The following SPATA24 variants were observed in gnomAD, a reference collection of about 807,000 sequenced individuals.
The protein encoded by SPATA24 is spermatogenesis-associated protein 24.
Under a neutral mutation model 28.9 loss-of-function variants are expected in SPATA24, and 21 were observed. The ratio of observed to expected loss-of-function variants is 0.73; its 90% confidence interval spans 0.52 to 1.05. SPATA24 has a LOEUF of 1.05. SPATA24 is among the 50% of genes least tolerant of loss of function. The pLI is 0.00. For synonymous variants in SPATA24, 76 were observed against 89.9 expected (o/e 0.85, Z 0.88); for missense variants, 215 against 242.9 (o/e 0.88, Z 0.76).
intron 4 of SPATA24, among the ~76,000 whole-genome samples, chr5:139,398,503 T>C (rs1239120221): frequency 1.3e-5 from 2 of 151,632 alleles, no homozygotes; most frequent in Non-Finnish European, 2.9e-5. Context: ...AGCTCAGGAG[T>C]TGGGGGCTGC....
At chr5:139,393,764 G>A (rs1758641000), downstream of SPATA24, 1 of 1,551,268 alleles carries the variant, frequency 6.4e-7, no homozygotes, top group Non-Finnish European at 8.7e-7. Flanking sequence ...GCAGGATTTT[G>A]ATTTTCCCAC....
At chr5:139,399,316 CAAA>C (rs1435847293) in intron 4 of SPATA24, among the ~76,000 whole-genome samples, 3 of 59,078 alleles carry the variant, frequency 5.1e-5, no homozygotes, top group Admixed American at 1.9e-4. Flanking sequence ...GACTCCATCT[CAAA>C]AAAAAAAAAA....
downstream of SPATA24, chr5:139,394,163 C>A (rs759130864): frequency 3.9e-6 from 6 of 1,545,762 alleles, no homozygotes; most frequent in African/African-American, 1.4e-5. Context: ...TTGGCGGGGG[C>A]CGAATTATCT....
intron 4 of SPATA24, among the ~76,000 whole-genome samples, chr5:139,399,222 C>T (rs1758773213): frequency 6.7e-6 from 1 of 150,262 alleles, no homozygotes; most frequent in Admixed American, 6.7e-5. Context: ...GAGGCTGAGG[C>T]AGGAAGATGA....
At chr5:139,394,135 G>C (rs913060474), downstream of SPATA24, 8 of 1,547,130 alleles carry the variant, frequency 5.2e-6, no homozygotes, top group African/African-American at 1.1e-4. Context: ...GCGGAGGCTG[G>C]GCCACGGCCT....
downstream of SPATA24, chr5:139,395,273 C>T: frequency 2.2e-6 from 1 of 461,588 alleles, no homozygotes; most frequent in Non-Finnish European, 3.6e-6. Context: ...GCCCCCATGC[C>T]CAACTAACCC....
At chr5:139,394,994 A>AACCGGAGGAGTCCTGGCGC, downstream of SPATA24, 1 of 1,497,278 alleles carries the variant, frequency 6.7e-7, no homozygotes, top group Non-Finnish European at 8.9e-7. Flanking sequence ...GAGCCTGACG[A>AACCGGAGGAGTCCTGGCGC]ACCGGAGGAG....
downstream of SPATA24, chr5:139,392,544 C>A (rs1305635972): frequency 1.5e-6 from 2 of 1,347,336 alleles, no homozygotes; most frequent in African/African-American, 1.5e-5. This position sits in a 1 kb window ranked among gnomAD's most constrained non-coding sequence, Gnocchi z 5.8. Flanking sequence ...GGGCTGGGGC[C>A]GTCCTGCCCG....
downstream of SPATA24, chr5:139,396,653 T>C: frequency 6.6e-7 from 1 of 1,508,484 alleles, no homozygotes; most frequent in Non-Finnish European, 8.9e-7. Context: ...ACCCAGCTCC[T>C]CCCCTAGGCT....
chr5:139,397,039 A>C lies in SPATA24; in HGVS notation c.488+2T>G. On this transcript the variant is annotated splice_donor_variant, in intron 5 of 5. Coordinates refer to ENST00000450845, the MANE Select transcript of SPATA24 (RefSeq NM_194296.2). LOFTEE classifies it high-confidence loss of function. Reference sequence around the variant, plus strand: ...ACCCCCAGCCGGGCCCAGACCCCTCACCTGAAGATCTGTTTCTGCTGGCTG... The same window carrying C: ...ACCCCCAGCCGGGCCCAGACCCCTCCCCTGAAGATCTGTTTCTGCTGGCTG... The C allele has an allele frequency of 6.4e-7, 1 of 1,551,598 alleles. No individual in the cohort carries two copies. Among genetic ancestry groups the C allele is most frequent in the Admixed American group, 2.0e-5 (1 of 50,990 alleles).
At chr5:139,393,574 G>A (rs1365603735), downstream of SPATA24, 1 of 1,551,078 alleles carries the variant, frequency 6.4e-7, no homozygotes, top group South Asian at 1.2e-5. Context: ...AGCCTCCCAC[G>A]GGAAGAAGGC....
At chr5:139,393,380 G>C (rs1167514790), downstream of SPATA24, 2 of 1,551,608 alleles carry the variant, frequency 1.3e-6, no homozygotes, top group Non-Finnish European at 1.7e-6. Context: ...GAAATTTCCC[G>C]CGTGGATGGA....
intron 4 of SPATA24, among the ~76,000 whole-genome samples, chr5:139,400,188 C>A (rs896710592): frequency 6.6e-6 from 1 of 152,190 alleles, no homozygotes; most frequent in South Asian, 2.1e-4. Flanking sequence ...GTACTCAAGG[C>A]TCCACATGGG....
At chr5:139,395,842 G>A (rs957387742), downstream of SPATA24, 6 of 152,358 alleles carry the variant, frequency 3.9e-5, no homozygotes, top group African/African-American at 1.4e-4. Context: ...CCGATGTGGG[G>A]TCCTACAGGA....
downstream of SPATA24, chr5:139,394,703 C>T (rs1455239614): frequency 1.4e-5 from 21 of 1,533,640 alleles, no homozygotes; most frequent in Admixed American, 2.0e-5. Context: ...TCGCGATCGT[C>T]TGCGCCGGAG....
chr5:139,398,644 T>G (rs1379076634), intron 4 of SPATA24, among the ~76,000 whole-genome samples: 1 of 152,162 alleles, frequency 6.6e-6, no homozygotes, highest in Admixed American at 6.5e-5. Context: ...TGTAGGGATC[T>G]GGGGGTGCTT....
At chr5:139,401,894 C>A in intron 3 of SPATA24, 21 bp downstream of exon 3, 1 of 1,551,120 alleles carries the variant, frequency 6.4e-7, no homozygotes. Context: ...AACCCCACAC[C>A]CCGTACTGAG....
chr5:139,397,015 C>T, intron 5 of SPATA24, 26 bp downstream of exon 5: 1 of 1,551,610 alleles, frequency 6.4e-7, no homozygotes, highest in Non-Finnish European at 8.7e-7. Context: ...TCATCAACAA[C>T]CCCCAGCCGG....
Position 139,397,141 on chromosome 5 carries a change from T to A in SPATA24, c.388A>T (p.Ile130Phe), listed in dbSNP as rs1375563765. The A allele has an allele frequency of 1.3e-6, 2 of 1,551,152 alleles. No homozygotes were observed. Among genetic ancestry groups the A allele is most frequent in the Admixed American group, 3.9e-5 (2 of 50,976 alleles). Residue 130 changes from isoleucine to phenylalanine, a missense_variant and splice_region_variant, in exon 5 of 6, where the codon ATT becomes TTT. Transcript: ENST00000450845. Reference sequence around the variant, plus strand: ...TCTTGCTTTATAATGTGAGACTCAATCTCTGTGGGGGAGAGAGGCAGGGAG... The same window carrying A: ...TCTTGCTTTATAATGTGAGACTCAAACTCTGTGGGGGAGAGAGGCAGGGAG... ...KDQLITKCNEIESHIIKQEDI... is the reference protein window; with the variant it reads ...KDQLITKCNEFESHIIKQEDI...
Sources: allele counts gnomAD v4.1 joint callset (sites outside exome capture counted in the v4.1 genomes callset), GRCh38; gene constraint gnomAD v4.1.1; non-coding constraint Gnocchi (gnomAD v3.1); transcripts MANE v1.5; gene names NCBI Gene and HGNC (gene_info 2026-07-23, HGNC 2026-07-21).